The following PDE11A variants were observed in gnomAD, a reference collection of about 807,000 sequenced individuals.
The protein encoded by PDE11A is dual 3',5'-cyclic-AMP and -GMP phosphodiesterase 11A.
In PDE11A, 100 loss-of-function variants were observed where a neutral mutation model predicts 100.5. The observed-to-expected ratio is 1.00, with a 90% CI of 0.85 to 1.18. PDE11A has a LOEUF of 1.18. PDE11A is among the 50% of genes most tolerant of loss of function. PDE11A has a pLI of 0.00. For missense variants in PDE11A, 1,141 were observed against 1,152.6 expected, an observed-to-expected ratio of 0.99 and a Z score of 0.15; for synonymous variants, 381 against 420.8, an observed-to-expected ratio of 0.91 and a Z score of 1.16.
intron 9 of PDE11A, among the ~76,000 whole-genome samples, chr2:177,816,400 G>C (rs1398574873): frequency 6.6e-6 from 1 of 152,014 alleles, no homozygotes; most frequent in Non-Finnish European, 1.5e-5. Context: ...GGAAGAAAGG[G>C]AATCGGATAA....
chr2:177,654,882 A>G (rs1045835623), intron 19 of PDE11A, among the ~76,000 whole-genome samples: 3 of 151,946 alleles, frequency 2.0e-5, no homozygotes, highest in African/African-American at 7.3e-5. Context: ...CCGAAGAGAG[A>G]CGAAGAAGAG....
intron 1 of PDE11A, among the ~76,000 whole-genome samples, chr2:178,024,500 T>C (rs60047236): frequency 0.17 from 26,571 of 152,170 alleles, 2,646 homozygotes; most frequent in Middle Eastern, 0.28. Flanking sequence ...TTAGCTTTTG[T>C]TTTATTTTGT....
At position 177,629,488 on chromosome 2, in the gene PDE11A, C is replaced by A; in HGVS notation, c.2721G>T (p.Glu907Asp). 1 of 1,613,624 alleles carries A rather than the reference C, an allele frequency of 6.2e-7. No individual in the cohort carries two copies. The highest frequency in any genetic ancestry group is 8.5e-7 in the Non-Finnish European group (1 of 1,179,712). Reference protein sequence around the residue: ...SVATNRSKWEELHQKRLLAST... With the variant: ...SVATNRSKWEDLHQKRLLAST... ...AGGCCAGCAGTCGTTTTTGGTGTAG[C>A]TCTTCCCACTTACTTCTGTTTGTAG... The change falls in exon 20 of 20, where the codon GAG becomes GAT. Residue 907 changes from glutamate to aspartate, a missense_variant. Transcript: ENST00000286063.
chr2:177,929,265 T>G (rs751754405), intron 2 of PDE11A, among the ~76,000 whole-genome samples: 1 of 152,190 alleles, frequency 6.6e-6, no homozygotes, highest in Non-Finnish European at 1.5e-5. Context: ...TCCTGGCACT[T>G]CAAGAGGAGT....
At chr2:178,016,932 T>C (rs2086346083) in intron 1 of PDE11A, among the ~76,000 whole-genome samples, 1 of 152,190 alleles carries the variant, frequency 6.6e-6, no homozygotes, top group Admixed American at 6.5e-5. Flanking sequence ...TGGAAAACCT[T>C]TGAAGATCTT....
At chr2:177,763,861 C>CTGGTGGATCA in intron 10 of PDE11A, among the ~76,000 whole-genome samples, 1 of 152,286 alleles carries the variant, frequency 6.6e-6, no homozygotes, top group Middle Eastern at 3.4e-3. Flanking sequence ...GGAGCGCCAC[C>CTGGTGGATCA]TGGTGGATCA....
chr2:177,906,864 G>T (rs901055996), intron 2 of PDE11A, among the ~76,000 whole-genome samples: 1 of 152,176 alleles, frequency 6.6e-6, no homozygotes, highest in African/African-American at 2.4e-5. Flanking sequence ...CACTTTCCTT[G>T]TAGTTTTCTG....
Position 177,853,698 on chromosome 2 carries a change from G to T in PDE11A, c.1368-13315C>A, listed in dbSNP as rs1266727326. 1.1e-3 allele frequency among the ~76,000 whole-genome samples: 38 copies of T among 35,284 alleles called. 1 individual carries two copies. Among genetic ancestry groups the T allele is most frequent in the African/African-American group, 2.2e-3 (28 of 12,574 alleles). 23.1% of individuals were successfully genotyped at this position (35,284 alleles called of 152,430 possible). A position where few individuals can be genotyped will look rare whatever the true frequency, so the allele number is the denominator to read the frequency against. On this transcript the variant is annotated intron_variant, in intron 5 of 19. Coordinates refer to ENST00000286063, the MANE Select transcript of PDE11A (RefSeq NM_016953.4). ...TATATATATGTGTGTGTGTGTGTGT[G>T]TGTGTGTGTGTGTGTTTGTGTGTGT...
Position 177,835,701 on chromosome 2 carries a change from C to T in PDE11A, c.1500+4550G>A, listed in dbSNP as rs143428047. Among the ~76,000 whole-genome samples, 1,152 of 152,094 alleles carry T rather than the reference C, an allele frequency of 7.6e-3. 16 individuals are homozygous for T. The highest frequency in any genetic ancestry group is 0.026 in the African/African-American group (1,059 of 41,492). ...GAGGTGCAAGCGGGAACTGGGGCTG[C>T]GCATGGCACTGGCAGCCCACCACAA... On this transcript the variant is annotated intron_variant, in intron 6 of 19. Coordinates refer to ENST00000286063, the MANE Select transcript of PDE11A (RefSeq NM_016953.4).
intron 10 of PDE11A, among the ~76,000 whole-genome samples, chr2:177,756,952 A>G (rs537256206): frequency 2.0e-5 from 3 of 152,352 alleles, no homozygotes; most frequent in South Asian, 4.1e-4. Flanking sequence ...AAGGGCTCAC[A>G]ATCAGACGAT....
chr2:177,676,193 T>C (rs1309198748), intron 16 of PDE11A: 3 of 159,772 alleles, frequency 1.9e-5, no homozygotes, highest in Non-Finnish European at 2.8e-5. Context: ...GGGTTAACCA[T>C]AATTCATACG....
chr2:178,091,753 C>T (rs951975600), intron 2 of PDE11A, among the ~76,000 whole-genome samples: 8 of 146,996 alleles, frequency 5.4e-5, no homozygotes, highest in Middle Eastern at 3.4e-3. Context: ...CCCCACCATG[C>T]GTCTCTTATA....
At chr2:178,009,300 G>A (rs1487665491) in intron 2 of PDE11A, among the ~76,000 whole-genome samples, 2 of 152,120 alleles carry the variant, frequency 1.3e-5, no homozygotes, top group African/African-American at 2.4e-5. Context: ...CTGAAAAATA[G>A]GAATATTTGT....
At chr2:177,884,630 G>A (rs1030377845) in intron 4 of PDE11A, among the ~76,000 whole-genome samples, 1 of 152,180 alleles carries the variant, frequency 6.6e-6, no homozygotes, top group Non-Finnish European at 1.5e-5. Flanking sequence ...GGCCTTGAAT[G>A]TTGGGTAGTG....
In PDE11A at chr2:177,645,133, C is replaced by T. The variant is rs192966490; in HGVS notation, c.2647-15571G>A. 1.4e-4 allele frequency among the ~76,000 whole-genome samples: 22 copies of T among 152,332 alleles called. No homozygotes were observed. In the East Asian group the frequency reaches 2.1e-3, roughly 15 times the overall value. ...TGTGACTATGAGGCAAACTTGACTACGGCAGCCATGTGCTAAGGAAAGATA... is the reference window on the plus strand; with the variant it reads ...TGTGACTATGAGGCAAACTTGACTATGGCAGCCATGTGCTAAGGAAAGATA... On this transcript the variant is annotated intron_variant, in intron 19 of 19. Transcript: ENST00000286063.
chr2:177,646,136 A>T (rs1249289638), intron 19 of PDE11A, among the ~76,000 whole-genome samples: 1 of 152,252 alleles, frequency 6.6e-6, no homozygotes, highest in Non-Finnish European at 1.5e-5. Context: ...AATATAGGGC[A>T]AGAGTCTGAA....
At chr2:177,840,153 C>T in intron 6 of PDE11A, 98 bp downstream of exon 6, 2 of 1,258,650 alleles carry the variant, frequency 1.6e-6, no homozygotes. Context: ...GGGAAGGATG[C>T]AAAAGAATTG....
chr2:178,064,941 A>G (rs995241597), intron 1 of PDE11A, among the ~76,000 whole-genome samples: 3 of 152,182 alleles, frequency 2.0e-5, no homozygotes, highest in Non-Finnish European at 4.4e-5. Context: ...TCATTAATAT[A>G]TGAAACCACT....
intron 2 of PDE11A, among the ~76,000 whole-genome samples, chr2:178,097,057 T>C (rs1310648848): frequency 1.3e-5 from 2 of 152,078 alleles, no homozygotes; most frequent in African/African-American, 4.8e-5. Flanking sequence ...CGACTAATTT[T>C]TTGTATTTTT....
Sources: gnomAD v4.1 joint callset for allele counts (sites outside exome capture counted in the v4.1 genomes callset) on GRCh38, gnomAD v4.1.1 for gene constraint, MANE v1.5 for transcripts, NCBI Gene and HGNC (gene_info 2026-07-23, HGNC 2026-07-21) for gene names.